The following ITPR2 variants were observed in gnomAD, a reference collection of about 807,000 sequenced individuals.
ITPR2 encodes inositol 1,4,5-trisphosphate-gated calcium channel ITPR2.
ITPR2 carries 207 observed loss-of-function variants against 317.1 expected under a neutral mutation model. The observed-to-expected ratio is 0.65, with a 90% confidence interval of 0.58 to 0.73. The LOEUF is 0.73. Ranked by LOEUF, ITPR2 falls within the 30% of genes least tolerant of loss-of-function variation. The pLI is 0.00. For missense variants in ITPR2, 2,613 were observed against 3,284.0 expected (o/e 0.80, Z 4.99); for synonymous variants, 1,156 against 1,149.1 (o/e 1.01, Z -0.12).
At chr12:26,683,330 G>C (rs1331692501) in intron 11 of ITPR2, among the ~76,000 whole-genome samples, 1 of 152,148 alleles carries the variant, frequency 6.6e-6, no homozygotes, top group African/African-American at 2.4e-5. Flanking sequence ...CTGCCTTCTT[G>C]TCTCAGCTCT....
At chr12:26,364,883 T>C (rs1008185069) in intron 55 of ITPR2, among the ~76,000 whole-genome samples, 5 of 152,214 alleles carry the variant, frequency 3.3e-5, no homozygotes, top group African/African-American at 1.2e-4. Flanking sequence ...GCACTGGGCC[T>C]GGACCTTTGT....
At chr12:26,780,507 C>T (rs1242454488) in intron 2 of ITPR2, among the ~76,000 whole-genome samples, 2 of 152,324 alleles carry the variant, frequency 1.3e-5, no homozygotes, top group East Asian at 3.9e-4. Context: ...TGGGCTCATG[C>T]TCATGGAATT....
At chr12:26,641,538 C>CA (rs1946989495) in intron 21 of ITPR2, among the ~76,000 whole-genome samples, 3 of 151,684 alleles carry the variant, frequency 2.0e-5, no homozygotes, top group Admixed American at 2.0e-4. Flanking sequence ...TGATCTTAGG[C>CA]AAAGTATATA....
At chr12:26,638,106 T>C (rs147436904) in intron 21 of ITPR2, among the ~76,000 whole-genome samples, 1 of 152,330 alleles carries the variant, frequency 6.6e-6, no homozygotes, top group East Asian at 1.9e-4. Context: ...ACTAAAGAAG[T>C]GTTATTCAAA....
intron 37 of ITPR2, among the ~76,000 whole-genome samples, chr12:26,517,875 T>C (rs1943567268): frequency 6.6e-6 from 1 of 151,910 alleles, no homozygotes; most frequent in Admixed American, 6.6e-5. Context: ...AACTAACAGA[T>C]GATGAAGAAG....
intron 2 of ITPR2, among the ~76,000 whole-genome samples, chr12:26,782,023 TATATATATATGTATAGAGAGAG>T (rs1950097455): frequency 1.1e-4 from 3 of 28,426 alleles, no homozygotes; most frequent in Admixed American, 4.7e-4. Flanking sequence ...TATATATATA[TATATATATATGTATAGAGAGAG>T]AGAGAGAGAG....
chr12:26,692,950 A>G (rs1948267525), intron 10 of ITPR2, among the ~76,000 whole-genome samples: 1 of 152,226 alleles, frequency 6.6e-6, no homozygotes, highest in African/African-American at 2.4e-5. Flanking sequence ...CACAGGCTGG[A>G]GATAAACTCT....
chr12:26,538,540 G>T (rs557204210), intron 37 of ITPR2, among the ~76,000 whole-genome samples: 15 of 152,154 alleles, frequency 9.9e-5, no homozygotes, highest in African/African-American at 3.4e-4. Context: ...TTCCTGCTCT[G>T]CCATTTACAA....
chr12:26,649,822 TAGAC>T (rs58621399), intron 21 of ITPR2, among the ~76,000 whole-genome samples: 1,783 of 119,908 alleles, frequency 0.015, 15 homozygotes, highest in South Asian at 0.049. Flanking sequence ...GATAGATAGA[TAGAC>T]AGACAGACAG....
chr12:26,419,107 G>A lies in ITPR2; in HGVS notation c.7052C>T (p.Ala2351Val), dbSNP rs372121234. ...ILDMAFLYHV[A>V]YVLVCMLGLF... is the part of the protein sequence containing the mutation. Reference sequence around the variant, plus strand: ...GCCCAGCATGCAAACCAGGACATACGCCACGTGATAGAGAAAGGCCATATC... The same window carrying A: ...GCCCAGCATGCAAACCAGGACATACACCACGTGATAGAGAAAGGCCATATC... Residue 2351 changes from alanine (A) to valine (V), a missense_variant, in exon 50 of 57, where the codon GCG (alanine) becomes GTG (valine). Ala to Val is a moderately conservative substitution (Grantham distance 64, BLOSUM62 0). Around this residue, in one of 9 missense-constraint regions of ITPR2, gnomAD observed 78 missense variants for 110.3 expected, o/e 0.71. Transcript: ENST00000381340. 6.6e-5 allele frequency: 107 copies of A among 1,613,746 alleles called. 1 individual carries two copies. The African/African-American group carries it at 8.3e-4, about 12-fold the overall frequency.
At chr12:26,469,072 A>G (rs570731482) in intron 45 of ITPR2, among the ~76,000 whole-genome samples, 1 of 152,186 alleles carries the variant, frequency 6.6e-6, no homozygotes, top group Non-Finnish European at 1.5e-5. Flanking sequence ...CTTGACTCCT[A>G]GGGGAAGTAG....
In ITPR2 at chr12:26,488,674, C is replaced by G. The variant is rs569413611; in HGVS notation, c.5371-1423G>C. On this transcript the variant is annotated intron_variant, in intron 39 of 56. Transcript: ENST00000381340. ...TTAATTCAAACAACAAATGCAGCAT[C>G]CACAGACCTCTACAATCCCATGAAT... Among the ~76,000 whole-genome samples, 202 of 149,736 alleles carry G rather than the reference C, an allele frequency of 1.3e-3. 1 individual carries two copies. The highest frequency in any genetic ancestry group is 4.6e-3 in the African/African-American group (189 of 41,432).
At chr12:26,731,033 C>T (rs1949019684) in intron 2 of ITPR2, among the ~76,000 whole-genome samples, 3 of 152,112 alleles carry the variant, frequency 2.0e-5, no homozygotes, top group Admixed American at 2.0e-4. Flanking sequence ...ACTCCTGAAC[C>T]CCAGAAACTG....
intron 9 of ITPR2, among the ~76,000 whole-genome samples, chr12:26,705,167 C>T (rs895541517): frequency 5.3e-5 from 8 of 152,128 alleles, no homozygotes; most frequent in Admixed American, 2.6e-4. Flanking sequence ...ACTCTGCTTC[C>T]CCTTTTCACA....
At position 26,813,885 on chromosome 12, in the gene ITPR2, C is replaced by T. The variant is rs549400236; in HGVS notation, c.92+18805G>A. On this transcript the variant is annotated intron_variant, in intron 1 of 56. Coordinates refer to ENST00000381340, the MANE Select transcript of ITPR2 (RefSeq NM_002223.4). ...TGTAAGGACTTAGGAAATGTGGCTTCGTGAAGGTAAAGGGGTGATTTTATT... is the reference window on the plus strand; with the variant it reads ...TGTAAGGACTTAGGAAATGTGGCTTTGTGAAGGTAAAGGGGTGATTTTATT... Among the ~76,000 whole-genome samples, 14 of 152,248 alleles carry T rather than the reference C, an allele frequency of 9.2e-5. No individual in the cohort carries two copies. In the East Asian group the frequency reaches 2.3e-3, roughly 25 times the overall value.
intron 26 of ITPR2, among the ~76,000 whole-genome samples, chr12:26,617,915 A>T (rs1334327797): frequency 6.6e-6 from 1 of 152,210 alleles, no homozygotes; most frequent in African/African-American, 2.4e-5. Flanking sequence ...CAAATCACCA[A>T]GATATTTTAA....
At chr12:26,817,917 T>C (rs1950886623) in intron 1 of ITPR2, among the ~76,000 whole-genome samples, 1 of 152,224 alleles carries the variant, frequency 6.6e-6, no homozygotes. Context: ...CTGCAAAGTA[T>C]AGCCTGTGGT....
At chr12:26,716,269 G>A in intron 5 of ITPR2, 27 bp from the exon 6 acceptor site, 1 of 1,406,810 alleles carries the variant, frequency 7.1e-7, no homozygotes, top group African/African-American at 1.4e-5. Flanking sequence ...AATCACAATT[G>A]AGACACTGCA....
chr12:26,593,495 T>C (rs1378443890), intron 32 of ITPR2, among the ~76,000 whole-genome samples: 2 of 152,314 alleles, frequency 1.3e-5, no homozygotes, highest in Non-Finnish European at 2.9e-5. Flanking sequence ...TTCTATTTCC[T>C]TCCCTGAAAA....
Sources: gnomAD v4.1 joint callset for allele counts (sites outside exome capture counted in the v4.1 genomes callset) on GRCh38, gnomAD v4.1.1 for gene constraint, gnomAD v4.1.1 regional missense constraint, MANE v1.5 for transcripts, NCBI Gene and HGNC (gene_info 2026-07-23, HGNC 2026-07-21) for gene names.